MAST2: variants seen among roughly 807,000 people sequenced by gnomAD.
MAST2 encodes microtubule-associated serine/threonine-protein kinase 2.
A neutral mutation model predicts 147.4 loss-of-function variants in MAST2; 70 were observed. The ratio of observed to expected loss-of-function variants is 0.47; its 90% CI spans 0.39 to 0.58. MAST2 has a LOEUF of 0.58. Ranked by LOEUF, MAST2 falls within the 20% of genes least tolerant of loss-of-function variation. MAST2 has a pLI of 0.00. For synonymous variants in MAST2, 869 were observed against 896.8 expected (o/e 0.97, Z 0.55); for missense variants, 2,080 against 2,302.3 (o/e 0.90, Z 1.98).
intron 4 of MAST2, among the ~76,000 whole-genome samples, chr1:45,922,114 C>A (rs1382312658): frequency 6.6e-6 from 1 of 152,162 alleles, no homozygotes; most frequent in Non-Finnish European, 1.5e-5. Flanking sequence ...CCATTATCTC[C>A]CTATGGTCCC....
At position 45,994,345 on chromosome 1, in the gene MAST2, G is replaced by A. The variant is rs1171697056; in HGVS notation, c.593-3379G>A. ...TGCCCAGCCAGGCTGGAGTGCAGTG[G>A]CATGATCTCGGCTCACTGCAACCTC... On this transcript the variant is annotated intron_variant, in intron 5 of 28. Coordinates refer to ENST00000361297, the MANE Select transcript of MAST2 (RefSeq NM_015112.3). 6.2e-5 allele frequency among the ~76,000 whole-genome samples: 9 copies of A among 144,374 alleles called. No individual in the cohort carries two copies. The Admixed American group carries it at 6.4e-4, about 10-fold the overall frequency. 94.7% of individuals were successfully genotyped at this position (144,374 alleles called of 152,430 possible). A position where few individuals can be genotyped will look rare whatever the true frequency, so the allele number is the denominator to read the frequency against.
chr1:46,008,151 A>G (rs1180812513), intron 8 of MAST2, 145 bp from the exon 9 acceptor site: 1 of 618,890 alleles, frequency 1.6e-6, no homozygotes, highest in East Asian at 2.7e-5. Context: ...CAGGAATAAG[A>G]AAGGCTCTAG....
chr1:45,829,861 A>AC (rs1557812302), intron 3 of MAST2, among the ~76,000 whole-genome samples: 1 of 144,536 alleles, frequency 6.9e-6, no homozygotes, highest in Non-Finnish European at 1.5e-5. Flanking sequence ...TAAGAATGAA[A>AC]TTTTTTTTTT....
chr1:45,984,354 A>G (rs902149014), intron 5 of MAST2, among the ~76,000 whole-genome samples: 1 of 151,110 alleles, frequency 6.6e-6, no homozygotes, highest in African/African-American at 2.4e-5. Flanking sequence ...ACTAGGCTAC[A>G]GTGCAGTGAC....
At chr1:45,968,875 T>C (rs536508451) in intron 5 of MAST2, among the ~76,000 whole-genome samples, 32 of 123,224 alleles carry the variant, frequency 2.6e-4, no homozygotes, top group Admixed American at 7.0e-4. Flanking sequence ...GTTCTGGTGT[T>C]GGTTTTTTTT....
intron 1 of MAST2, among the ~76,000 whole-genome samples, chr1:45,807,234 A>G (rs2148624725): frequency 6.6e-6 from 1 of 152,000 alleles, no homozygotes; most frequent in Middle Eastern, 3.4e-3. Context: ...CTGCTTCTCT[A>G]ACTGCTCTCT....
chr1:45,993,709 CAATGACTTCTGACACTAACTATCCCAA>C (rs1176441331), intron 5 of MAST2, among the ~76,000 whole-genome samples: 1 of 151,926 alleles, frequency 6.6e-6, no homozygotes, highest in Non-Finnish European at 1.5e-5. Context: ...TTTGCTGGTA[CAATGACTTCTGACACTAACTATCCCAA>C]ATTAGGCCAA....
chr1:45,858,169 A>G (rs971961149), intron 3 of MAST2, among the ~76,000 whole-genome samples: 4 of 152,162 alleles, frequency 2.6e-5, no homozygotes, highest in African/African-American at 9.7e-5. Flanking sequence ...CTAGTTCTGC[A>G]TCCTTGAGGA....
intron 4 of MAST2, among the ~76,000 whole-genome samples, chr1:45,912,389 C>T (rs192123065): frequency 2.0e-4 from 30 of 152,326 alleles, no homozygotes; most frequent in Non-Finnish European, 4.1e-4. Context: ...AGTGCTTACC[C>T]TTGCTGTGTG....
At chr1:45,836,958 T>A (rs1188793806) in intron 3 of MAST2, among the ~76,000 whole-genome samples, 1 of 152,150 alleles carries the variant, frequency 6.6e-6, no homozygotes, top group Non-Finnish European at 1.5e-5. Flanking sequence ...AGGCATTAGC[T>A]AGATTCTCAT....
At chr1:45,828,356 C>T (rs933139931) in intron 2 of MAST2, among the ~76,000 whole-genome samples, 1 of 151,990 alleles carries the variant, frequency 6.6e-6, no homozygotes, top group African/African-American at 2.4e-5. Flanking sequence ...CATGATAAAG[C>T]CAGGGGAAAG....
At chr1:46,005,016 A>C (rs1457038599) in intron 7 of MAST2, among the ~76,000 whole-genome samples, 1 of 152,166 alleles carries the variant, frequency 6.6e-6, no homozygotes, top group African/African-American at 2.4e-5. Context: ...GCAGTGAGCT[A>C]TGATAACGCC....
chr1:46,030,500 G>C, intron 21 of MAST2, 107 bp from the exon 22 acceptor site: 1 of 1,343,212 alleles, frequency 7.4e-7, no homozygotes, highest in Non-Finnish European at 1.0e-6. Context: ...AGGAGGGATG[G>C]AACCGACTGG....
At chr1:45,909,892 A>T (rs1651402531) in intron 4 of MAST2, among the ~76,000 whole-genome samples, 1 of 151,752 alleles carries the variant, frequency 6.6e-6, no homozygotes, top group African/African-American at 2.4e-5. Flanking sequence ...GGCTCCCTGC[A>T]ACCTCCGCCT....
intron 3 of MAST2, among the ~76,000 whole-genome samples, chr1:45,860,922 C>T (rs1261661161): frequency 6.6e-6 from 1 of 152,142 alleles, no homozygotes; most frequent in Non-Finnish European, 1.5e-5. Flanking sequence ...CCAATAATAT[C>T]CTGGCATAGT....
At position 45,888,716 on chromosome 1, in the gene MAST2, C is replaced by G. The variant is rs192644069; in HGVS notation, c.500+6321C>G. On this transcript the variant is annotated intron_variant, in intron 4 of 28. Coordinates refer to ENST00000361297, the MANE Select transcript of MAST2 (RefSeq NM_015112.3). ...TTTTTTTTTGAGATGGAGTCTTGCT[C>G]TCTCGCCCAGGCTGGAGTGCAATGG... Among the ~76,000 whole-genome samples, 882 of 98,298 alleles carry G rather than the reference C, an allele frequency of 9.0e-3. 7 individuals carry two copies. Among genetic ancestry groups the G allele is most frequent in the South Asian group, 0.038 (105 of 2,782 alleles). 64.5% of individuals were successfully genotyped at this position (98,298 alleles called of 152,430 possible).
At chr1:45,877,458 C>T (rs947955797) in intron 3 of MAST2, among the ~76,000 whole-genome samples, 1 of 152,148 alleles carries the variant, frequency 6.6e-6, no homozygotes, top group African/African-American at 2.4e-5. Flanking sequence ...TCACCTCCTA[C>T]AGGCCCCACC....
intron 4 of MAST2, among the ~76,000 whole-genome samples, chr1:45,916,229 C>T (rs1218591171): frequency 6.6e-6 from 1 of 152,068 alleles, no homozygotes; most frequent in Non-Finnish European, 1.5e-5. Context: ...TCAGAAATAA[C>T]AATACGAGAA....
At chr1:45,807,822 G>A (rs2148626971) in intron 1 of MAST2, among the ~76,000 whole-genome samples, 1 of 152,308 alleles carries the variant, frequency 6.6e-6, no homozygotes, top group East Asian at 1.9e-4. Flanking sequence ...GATTACAGGT[G>A]TGAGCCACTG....
Sources: allele counts gnomAD v4.1 joint callset (sites outside exome capture counted in the v4.1 genomes callset), GRCh38; gene constraint gnomAD v4.1.1; transcripts MANE v1.5; gene names NCBI Gene and HGNC (gene_info 2026-07-23, HGNC 2026-07-21).